The following MRC2 variants were observed in gnomAD, a reference collection of about 807,000 sequenced individuals.
MRC2 encodes C-type mannose receptor 2.
MRC2 carries 84 observed loss-of-function variants against 206.2 expected under a neutral mutation model. The observed-to-expected ratio is 0.41, with a 90% CI of 0.34 to 0.49. The LOEUF (loss-of-function observed/expected upper bound fraction) is 0.49, where lower values mean the gene tolerates loss of function less well. MRC2 is among the 20% of genes least tolerant of loss of function. The probability of loss-of-function intolerance (pLI) is 0.31; values close to 1 mark genes in which losing one functional copy is unlikely to be tolerated. For synonymous variants in MRC2, 798 were observed against 800.0 expected (o/e 1.00, Z 0.04); for missense variants, 1,676 against 2,001.5 (o/e 0.84, Z 3.10).
Position 62,680,800 on chromosome 17 carries a change from G to A in MRC2, c.2474G>A (p.Gly825Asp), listed in dbSNP as rs1374377711. The change falls in exon 17 of 30, where the codon GGC becomes GAC. Residue 825 changes from glycine to aspartate, a missense_variant and splice_region_variant. Physicochemically the swap from Gly to Asp is moderately conservative, Grantham distance 94. Coordinates refer to ENST00000303375, the MANE Select transcript of MRC2 (RefSeq NM_006039.5). This position sits in a 1 kb window ranked among gnomAD's most constrained non-coding sequence, Gnocchi z 4.8. ...DVREPDDSPQ[G>D]RREWLRFQEA... is the part of the protein sequence containing the mutation. ...TCCCACGCCCGCGCTGCTCCTGCAG[G>A]CCGACGGGAATGGCTGCGCTTCCAG... 6.2e-7 allele frequency: 1 copy of A among 1,608,562 alleles called. No individual in the cohort carries two copies. Among genetic ancestry groups the A allele is most frequent in the African/African-American group, 1.3e-5 (1 of 74,968 alleles).
intron 1 of MRC2, among the ~76,000 whole-genome samples, chr17:62,643,045 T>TA (rs1313191209): frequency 1.3e-5 from 2 of 151,884 alleles, no homozygotes; most frequent in East Asian, 3.9e-4. Flanking sequence ...AACACCAAAA[T>TA]AGCCAGGCGC....
In MRC2 at chr17:62,678,557, G is replaced by A; in HGVS notation, c.2106G>A (p.Gly702=). 1 of 1,609,944 alleles carries A rather than the reference G, an allele frequency of 6.2e-7. No homozygotes were observed. The highest frequency in any genetic ancestry group is 8.5e-7 in the Non-Finnish European group (1 of 1,178,934). Residue 702 remains glycine, a synonymous_variant, in exon 13 of 30, where the codon GGG becomes GGA. Transcript: ENST00000303375. ...AGAAGAGCTGGGTCCAGGCCCAGGGGGCCTGCCAGGAGCTGGGGGCCCAGC... is the reference window on the plus strand; with the variant it reads ...AGAAGAGCTGGGTCCAGGCCCAGGGAGCCTGCCAGGAGCTGGGGGCCCAGC... ...QDKKSWVQAQ[G]ACQELGAQLL... is the part of the protein sequence containing the mutation.
At chr17:62,677,099 G>A (rs1165523444) in intron 11 of MRC2, among the ~76,000 whole-genome samples, 170 bp from the exon 12 acceptor site, 1 of 152,222 alleles carries the variant, frequency 6.6e-6, no homozygotes, top group Non-Finnish European at 1.5e-5. Flanking sequence ...CCAGGGCTCT[G>A]CCTCCATTCC....
In MRC2 at chr17:62,691,150, G is replaced by A. The variant is rs141054433; in HGVS notation, c.4192+22G>A. 4.6e-4 allele frequency: 727 copies of A among 1,581,450 alleles called. 5 individuals are homozygous for A. The Middle Eastern group carries it at 5.7e-3, about 12-fold the overall frequency. The stretch of plus-strand genomic sequence containing the variant: ...CGTGGTGAGCGCCGGGCAGGCCCAC[G>A]CTCAGCCTCCTTCCACCCCGTGCCG... On this transcript the variant is annotated intron_variant, in intron 28 of 29. Coordinates refer to ENST00000303375, the MANE Select transcript of MRC2 (RefSeq NM_006039.5).
At chr17:62,691,626 C>G (rs572715775) in intron 28 of MRC2, among the ~76,000 whole-genome samples, 2 of 152,196 alleles carry the variant, frequency 1.3e-5, no homozygotes, top group South Asian at 4.2e-4. Flanking sequence ...CAAAAATTAG[C>G]TGGGCGTGGT....
Position 62,667,538 on chromosome 17 carries a change from G to A in MRC2, c.1117+5G>A. 6.2e-7 allele frequency: 1 copy of A among 1,608,210 alleles called. No homozygotes were observed. The highest frequency in any genetic ancestry group is 8.5e-7 in the Non-Finnish European group (1 of 1,178,724). ...CGGCCGAGCCCACCCCTCCAGGTGA[G>A]CCAGGGACTGTGCCGCAGGGTGGGG... On this transcript the variant is annotated splice_donor_5th_base_variant and intron_variant, in intron 6 of 29. Transcript: ENST00000303375. This position sits in a 1 kb window ranked among gnomAD's most constrained non-coding sequence, Gnocchi z 4.1.
At chr17:62,630,667 G>C (rs1390137489) in intron 1 of MRC2, among the ~76,000 whole-genome samples, 1 of 152,122 alleles carries the variant, frequency 6.6e-6, no homozygotes, top group East Asian at 1.9e-4. Context: ...GGGGATAGTT[G>C]CTGGGAAAGG....
intron 18 of MRC2, chr17:62,681,482 G>T (rs1364159590): frequency 1.1e-5 from 5 of 464,218 alleles, no homozygotes; most frequent in African/African-American, 2.0e-5. Context: ...GGGCCTCTTT[G>T]TATTTGGTGC....
In MRC2 at chr17:62,666,427, C is replaced by T. The variant is rs1261769716; in HGVS notation, c.695-28C>T. The T allele has an allele frequency of 1.9e-6, 3 of 1,613,460 alleles. No homozygotes were observed. Among genetic ancestry groups the T allele is most frequent in the Non-Finnish European group, 2.5e-6 (3 of 1,179,932 alleles). The stretch of plus-strand genomic sequence containing the variant: ...ACTCCCGAGGGACCCTGGAGGGGGC[C>T]TGAAGGAGAGGGCTGTCGTGGTGGC... On this transcript the variant is annotated intron_variant, in intron 3 of 29. Transcript: ENST00000303375. The surrounding 1 kb of genome is among the most constrained non-coding windows in gnomAD (Gnocchi z 5.0).
At position 62,667,376 on chromosome 17, in the gene MRC2, T is replaced by G; in HGVS notation, c.974-14T>G. On this transcript the variant is annotated splice_polypyrimidine_tract_variant and intron_variant, in intron 5 of 29. Transcript: ENST00000303375. This position sits in a 1 kb window ranked among gnomAD's most constrained non-coding sequence, Gnocchi z 4.1. ...TCTCTCTCCGGGGGTGCTGGCGCCC[T>G]GCCCTCCCCACAGACCAGCCGGACA... The G allele has an allele frequency of 1.3e-6, 2 of 1,581,214 alleles. No individual in the cohort carries two copies. Among genetic ancestry groups the G allele is most frequent in the Non-Finnish European group, 1.7e-6 (2 of 1,165,128 alleles).
intron 13 of MRC2, among the ~76,000 whole-genome samples, chr17:62,678,848 C>T (rs148745378): frequency 8.5e-5 from 13 of 152,274 alleles, no homozygotes; most frequent in African/African-American, 2.9e-4. Flanking sequence ...CTTGGGAGAA[C>T]AGGCTGGTGT....
chr17:62,675,293 G>A lies in MRC2; in HGVS notation c.1570-497G>A, dbSNP rs1223932984. Among the ~76,000 whole-genome samples, 1 of 152,140 alleles carries A rather than the reference G, an allele frequency of 6.6e-6. No homozygotes were observed. Among genetic ancestry groups the A allele is most frequent in the Non-Finnish European group, 1.5e-5 (1 of 68,006 alleles). ...TTCTCTTCTGCCTTGGCTCCTGCCA[G>A]CCTCGCCTGCCAGGGTCTCGTCTCT... On this transcript the variant is annotated intron_variant, in intron 9 of 29. Transcript: ENST00000303375. The surrounding 1 kb of genome is among the most constrained non-coding windows in gnomAD (Gnocchi z 4.1).
rs369210132 is a variant in MRC2, at chr17:62,664,611, A to G, written c.182A>G (p.Gln61Arg). Residue 61 changes from glutamine to arginine, a missense_variant, in exon 2 of 30, where the codon CAG becomes CGG. Gln to Arg is a conservative substitution (Grantham distance 43). Transcript: ENST00000303375. This position sits in a 1 kb window ranked among gnomAD's most constrained non-coding sequence, Gnocchi z 4.7. Reference protein sequence around the residue: ...LQGCLEAQGGQVRVTPACNTS... With the variant: ...LQGCLEAQGGRVRVTPACNTS... The stretch of plus-strand genomic sequence containing the variant: ...GGCTGCCTGGAGGCCCAGGGCGGGC[A>G]GGTCAGAGTCACCCCGGCTTGCAAT... The G allele has an allele frequency of 6.2e-7, 1 of 1,613,402 alleles. No individual in the cohort carries two copies. Among genetic ancestry groups the G allele is most frequent in the African/African-American group, 1.3e-5 (1 of 74,918 alleles).
At chr17:62,653,703 A>G (rs559899573) in intron 1 of MRC2, among the ~76,000 whole-genome samples, 1 of 152,160 alleles carries the variant, frequency 6.6e-6, no homozygotes, top group East Asian at 1.9e-4. Context: ...CTGTGGGAGG[A>G]AAGCAGTTTG....
In MRC2 at chr17:62,627,773, C is replaced by T; in HGVS notation, c.-30C>T. ...CGCGTTGCGCCTGTGCGCCCTCGGT[C>T]CCCGCGTCCACTGAGCGCCGCGCTC... On this transcript the variant is annotated 5_prime_UTR_variant, in exon 1 of 30. Transcript: ENST00000303375. 2 of 1,382,784 alleles carry T rather than the reference C, an allele frequency of 1.4e-6. No individual in the cohort carries two copies. Among genetic ancestry groups the T allele is most frequent in the Non-Finnish European group, 1.9e-6 (2 of 1,074,898 alleles). The allele number at this position is 1,382,784 out of a possible 1,614,324, so 85.7% of individuals were successfully genotyped here.
At chr17:62,665,085 A>G (rs904089865) in intron 2 of MRC2, 136 bp downstream of exon 2, 1 of 987,836 alleles carries the variant, frequency 1.0e-6, no homozygotes, top group Admixed American at 3.0e-5. Flanking sequence ...TATAATAGGA[A>G]GCATTTTTTA....
chr17:62,679,891 G>A lies in MRC2; in HGVS notation c.2287G>A (p.Asp763Asn). 1 of 1,612,960 alleles carries A rather than the reference G, an allele frequency of 6.2e-7. No individual in the cohort carries two copies. Among genetic ancestry groups the A allele is most frequent in the Non-Finnish European group, 8.5e-7 (1 of 1,179,728 alleles). Residue 763 changes from aspartate to asparagine, a missense_variant, in exon 14 of 30, where the codon GAC (aspartate) becomes AAC (asparagine). Transcript: ENST00000303375. ...PRGGQSWRWSDGVGFSYHNFD... is the reference protein window; with the variant it reads ...PRGGQSWRWSNGVGFSYHNFD... ...AGGGGGTCAGAGTTGGCGCTGGAGCGACGGCGTAGGGGTGAGGGGGCCTGG... is the reference window on the plus strand; with the variant it reads ...AGGGGGTCAGAGTTGGCGCTGGAGCAACGGCGTAGGGGTGAGGGGGCCTGG...
At position 62,671,517 on chromosome 17, in the gene MRC2, A is replaced by G; in HGVS notation, c.1118-132A>G. ...AGCATTTCCAAGACCTGTGGTGGGG[A>G]CCGGGATTGATCTGGGAGAGTTTGG... is the stretch of plus-strand genomic sequence containing the variant. On this transcript the variant is annotated intron_variant, in intron 6 of 29. Transcript: ENST00000303375. This position sits in a 1 kb window ranked among gnomAD's most constrained non-coding sequence, Gnocchi z 4.5. 2.7e-6 allele frequency: 2 copies of G among 733,462 alleles called. No individual in the cohort carries two copies. 45.4% of individuals were successfully genotyped at this position (733,462 alleles called of 1,614,324 possible).
At chr17:62,691,771 CA>C (rs549279909) in intron 28 of MRC2, among the ~76,000 whole-genome samples, 3,085 of 65,946 alleles carry the variant, frequency 0.047, 94 homozygotes, top group African/African-American at 0.17. Context: ...ACCCTGTCTC[CA>C]AAAAAAAAAA....
Sources: gnomAD v4.1 joint callset for allele counts (sites outside exome capture counted in the v4.1 genomes callset) on GRCh38, gnomAD v4.1.1 for gene constraint, Gnocchi (gnomAD v3.1) non-coding constraint, MANE v1.5 for transcripts, NCBI Gene and HGNC (gene_info 2026-07-23, HGNC 2026-07-21) for gene names.